Variants in CDK13 observed in about 807,000 individuals in gnomAD.
CDK13 encodes cyclin-dependent kinase 13.
In CDK13, 40 loss-of-function variants were observed where a neutral mutation model predicts 137.6. The observed-to-expected ratio is 0.29, with a 90% CI of 0.23 to 0.38. The LOEUF (loss-of-function observed/expected upper bound fraction) is 0.38, where lower values mean the gene tolerates loss of function less well. CDK13 is among the 10% of genes least tolerant of loss of function. The pLI is 1.00. For synonymous variants in CDK13, 869 were observed against 760.1 expected (o/e 1.14, Z -2.36); for missense variants, 1,704 against 1,951.8 (o/e 0.87, Z 2.39).
At chr7:40,068,849 T>C (rs1005909532) in intron 9 of CDK13, among the ~76,000 whole-genome samples, 3 of 151,938 alleles carry the variant, frequency 2.0e-5, no homozygotes, top group African/African-American at 2.4e-5. Flanking sequence ...AATCTGAACA[T>C]GGACTTTCAA....
intron 1 of CDK13, among the ~76,000 whole-genome samples, chr7:39,967,310 C>T (rs577217428): frequency 1.2e-4 from 19 of 152,132 alleles, no homozygotes; most frequent in African/African-American, 4.3e-4. Flanking sequence ...ACCTGTAGTT[C>T]CAGATACTTG....
chr7:39,971,430 T>C (rs1783995761), intron 1 of CDK13, among the ~76,000 whole-genome samples: 1 of 152,038 alleles, frequency 6.6e-6, no homozygotes, highest in Non-Finnish European at 1.5e-5. Flanking sequence ...AGTAGGAGAA[T>C]CACTTGAGCC....
intron 1 of CDK13, among the ~76,000 whole-genome samples, chr7:39,974,507 G>T (rs1180060565): frequency 6.7e-6 from 1 of 150,292 alleles, no homozygotes; most frequent in Admixed American, 6.6e-5. Context: ...AAACTTTTAG[G>T]TATTTCATCC....
At chr7:40,006,569 T>G (rs1233506008) in intron 5 of CDK13, among the ~76,000 whole-genome samples, 1 of 152,130 alleles carries the variant, frequency 6.6e-6, no homozygotes, top group Admixed American at 6.5e-5. Flanking sequence ...ATCCCAGCAC[T>G]TTGGTTGGCT....
intron 7 of CDK13, among the ~76,000 whole-genome samples, chr7:40,050,501 C>G (rs1785863177): frequency 1.3e-5 from 2 of 152,212 alleles, no homozygotes; most frequent in South Asian, 4.1e-4. Context: ...TAGCGATTCT[C>G]CAGCTTCAGC....
chr7:40,078,524 A>G (rs374168786), intron 10 of CDK13, 196 bp from the exon 11 acceptor site: 4 of 291,466 alleles, frequency 1.4e-5, no homozygotes, highest in East Asian at 1.2e-4. Context: ...TTATGTAAAA[A>G]TGAAATATTT....
chr7:39,994,908 T>TA (rs1002124982), intron 2 of CDK13, among the ~76,000 whole-genome samples: 149 of 144,898 alleles, frequency 1.0e-3, no homozygotes, highest in African/African-American at 2.0e-3. Context: ...AAGTTGTATT[T>TA]AAAAAAAAAA....
intron 1 of CDK13, among the ~76,000 whole-genome samples, chr7:39,958,344 CTG>C (rs1434915051): frequency 6.6e-6 from 1 of 151,786 alleles, no homozygotes; most frequent in African/African-American, 2.4e-5. Context: ...CATTTTTTTT[CTG>C]TTACTGCTCT....
At chr7:39,993,099 T>C (rs146913516) in intron 2 of CDK13, among the ~76,000 whole-genome samples, 3 of 152,328 alleles carry the variant, frequency 2.0e-5, no homozygotes, top group East Asian at 3.9e-4. Flanking sequence ...TATCACCTAA[T>C]GGTTTAGCAA....
intron 6 of CDK13, among the ~76,000 whole-genome samples, chr7:40,047,218 TAC>T (rs928154474): frequency 6.6e-6 from 1 of 152,174 alleles, no homozygotes; most frequent in African/African-American, 2.4e-5. Flanking sequence ...TGGAAGTGTG[TAC>T]ACACACATAC....
chr7:40,095,057 A>G lies in CDK13; in HGVS notation c.*77A>G. 2 of 1,189,060 alleles carry G rather than the reference A, an allele frequency of 1.7e-6. No individual in the cohort carries two copies. Among genetic ancestry groups the G allele is most frequent in the Non-Finnish European group, 2.2e-6 (2 of 904,346 alleles). The allele number at this position is 1,189,060 out of a possible 1,614,324, so 73.7% of individuals were successfully genotyped here. A position where few individuals can be genotyped will look rare whatever the true frequency, so the allele number is the denominator to read the frequency against. On this transcript the variant is annotated 3_prime_UTR_variant, in exon 14 of 14. Coordinates refer to ENST00000181839, the MANE Select transcript of CDK13 (RefSeq NM_003718.5). ...CTGCAATTTAAGGCAGCAATCCAAGAGACTTGAATAATAATAATTCAACAA... is the reference window on the plus strand; with the variant it reads ...CTGCAATTTAAGGCAGCAATCCAAGGGACTTGAATAATAATAATTCAACAA...
At chr7:40,013,803 A>G (rs886980198) in intron 5 of CDK13, among the ~76,000 whole-genome samples, 12 of 152,180 alleles carry the variant, frequency 7.9e-5, no homozygotes, top group African/African-American at 2.9e-4. Context: ...GAAAAAAACG[A>G]TAACTAGCTC....
chr7:39,970,905 T>C (rs1783983673), intron 1 of CDK13, among the ~76,000 whole-genome samples: 1 of 152,266 alleles, frequency 6.6e-6, no homozygotes, highest in African/African-American at 2.4e-5. Flanking sequence ...ACTTTCCATG[T>C]AGTATCATTT....
At chr7:39,976,342 C>T (rs1168430155) in intron 1 of CDK13, among the ~76,000 whole-genome samples, 1 of 150,226 alleles carries the variant, frequency 6.7e-6, no homozygotes, top group Admixed American at 6.7e-5. Flanking sequence ...CACACACACA[C>T]ACACACACAC....
At chr7:40,043,838 AAAAAAG>A (rs1202742271) in intron 5 of CDK13, among the ~76,000 whole-genome samples, 8 of 149,694 alleles carry the variant, frequency 5.3e-5, no homozygotes, top group Non-Finnish European at 4.4e-5. Context: ...TCTCAAAAAA[AAAAAAG>A]AAAAGAAAAA....
intron 1 of CDK13, among the ~76,000 whole-genome samples, chr7:39,982,261 C>T (rs1439655230): frequency 3.1e-4 from 46 of 150,544 alleles, no homozygotes; most frequent in African/African-American, 7.1e-4. Flanking sequence ...TGAGAACATG[C>T]GGTGTTTGGT....
At chr7:39,959,665 G>A (rs193132166) in intron 1 of CDK13, among the ~76,000 whole-genome samples, 65 of 152,022 alleles carry the variant, frequency 4.3e-4, no homozygotes, top group African/African-American at 1.4e-3. Flanking sequence ...GCGTTTCACC[G>A]TGTTGCCAAG....
At chr7:40,038,534 C>G (rs377323521) in intron 5 of CDK13, among the ~76,000 whole-genome samples, 237 of 152,244 alleles carry the variant, frequency 1.6e-3, no homozygotes, top group African/African-American at 5.6e-3. Flanking sequence ...TGTGATTTAG[C>G]TAGATATTGC....
rs372246652 is a variant in CDK13 at position 40,003,338 on chromosome 7, G to A, written c.2353+1307G>A. Among the ~76,000 whole-genome samples the A allele has an allele frequency of 2.0e-5, 3 of 152,128 alleles. No individual in the cohort carries two copies. In the East Asian group the frequency reaches 5.8e-4, roughly 29 times the overall value. ...GGAGTTCAGAATCATCATTTTAATTGATGTCACTTCTGTTAGTTTTTGTCC... is the reference window on the plus strand; with the variant it reads ...GGAGTTCAGAATCATCATTTTAATTAATGTCACTTCTGTTAGTTTTTGTCC... On this transcript the variant is annotated intron_variant, in intron 5 of 13. Coordinates refer to ENST00000181839, the MANE Select transcript of CDK13 (RefSeq NM_003718.5).
Sources: allele counts gnomAD v4.1 joint callset (sites outside exome capture counted in the v4.1 genomes callset), GRCh38; gene constraint gnomAD v4.1.1; transcripts MANE v1.5; gene names NCBI Gene and HGNC (gene_info 2026-07-23, HGNC 2026-07-21).